The following MBTD1 variants were observed in gnomAD, a reference collection of about 807,000 sequenced individuals.
MBTD1 encodes mbt domain containing 1.
Under a neutral mutation model 87.8 loss-of-function variants are expected in MBTD1, and 24 were observed. The ratio of observed to expected loss-of-function variants is 0.27; its 90% CI spans 0.20 to 0.38. MBTD1 has a LOEUF of 0.38. Among genes scored for constraint, MBTD1 ranks in the 10% least tolerant of loss-of-function variants. The pLI, the probability that MBTD1 is intolerant of heterozygous loss-of-function variation, is 1.00. For synonymous variants in MBTD1, 237 were observed against 248.6 expected (o/e 0.95, Z 0.44); for missense variants, 436 against 760.2 (o/e 0.57, Z 5.02).
intron 6 of MBTD1, among the ~76,000 whole-genome samples, chr17:51,211,140 A>G (rs1462977709): frequency 2.1e-4 from 25 of 119,492 alleles, no homozygotes; most frequent in Non-Finnish European, 4.0e-4. Context: ...ACATCTCATA[A>G]AAAAAAAAGA....
chr17:51,245,430 A>C (rs1290624853), intron 2 of MBTD1, among the ~76,000 whole-genome samples: 3 of 152,270 alleles, frequency 2.0e-5, no homozygotes, highest in African/African-American at 7.2e-5. Context: ...TTGTACCTTG[A>C]TTATGAGTCA....
upstream of MBTD1, chr17:51,260,185 G>A (rs2055396730): frequency 2.6e-6 from 1 of 387,158 alleles, no homozygotes; most frequent in East Asian, 4.5e-5. Context: ...GTACCAAGAC[G>A]AAGGGTGGAA....
chr17:51,213,790 C>T (rs186127547), intron 6 of MBTD1, among the ~76,000 whole-genome samples: 40 of 152,244 alleles, frequency 2.6e-4, no homozygotes, highest in Admixed American at 2.6e-3. Flanking sequence ...ATGTCAGGAG[C>T]CAAGGCTCTG....
At chr17:51,259,656 G>A (rs966658492) in intron 1 of MBTD1, among the ~76,000 whole-genome samples, 179 bp downstream of exon 1, 2 of 146,978 alleles carry the variant, frequency 1.4e-5, no homozygotes, top group South Asian at 2.2e-4. Flanking sequence ...TGGGGGGAGG[G>A]GAACCCCTGA....
chr17:51,249,652 T>C (rs1313912354), intron 2 of MBTD1: 1 of 152,206 alleles, frequency 6.6e-6, no homozygotes, highest in Non-Finnish European at 1.5e-5. Flanking sequence ...TATTTTATCA[T>C]TAGGGTATGC....
rs1192018718 is a variant in MBTD1, at chr17:51,179,480, AATTTTATATATATATATATATAT to A, written c.*1073_*1095del. On this transcript the variant is annotated 3_prime_UTR_variant, in exon 17 of 17. Coordinates refer to ENST00000586178, the MANE Select transcript of MBTD1 (RefSeq NM_017643.3). The stretch of plus-strand genomic sequence containing the variant: ...ATAAATCCTGAATACAATTAAAGAC[AATTTTATATATATATATATATAT>A]ATATATATATATATATATATATATA... 2 of 83,838 alleles carry A rather than the reference AATTTTATATATATATATATATAT, an allele frequency of 2.4e-5. No individual in the cohort carries two copies. The highest frequency in any genetic ancestry group is 5.5e-5 in the African/African-American group (1 of 18,198). The allele number at this position is 83,838 out of a possible 1,614,324, so 5.2% of individuals were successfully genotyped here.
At chr17:51,191,895 TTAAA>T (rs1283687243) in intron 16 of MBTD1, 1 of 271,168 alleles carries the variant, frequency 3.7e-6, no homozygotes, top group African/African-American at 2.3e-5. Flanking sequence ...ATTTTTCTTT[TTAAA>T]TAAAGTTTTT....
chr17:51,202,938 T>C lies in MBTD1; in HGVS notation c.829-3A>G. ...GGATACTGCATACTCTCTGAAACCT[T>C]AAAAGCATACAAAAAAAACTGCTCG... On this transcript the variant is annotated splice_polypyrimidine_tract_variant and splice_region_variant and intron_variant, in intron 9 of 16. Coordinates refer to ENST00000586178, the MANE Select transcript of MBTD1 (RefSeq NM_017643.3). 6.2e-7 allele frequency: 1 copy of C among 1,604,994 alleles called. No individual in the cohort carries two copies. The highest frequency in any genetic ancestry group is 8.5e-7 in the Non-Finnish European group (1 of 1,172,270).
chr17:51,250,042 G>C (rs986237400), intron 2 of MBTD1: 1 of 151,478 alleles, frequency 6.6e-6, no homozygotes, highest in Non-Finnish European at 1.5e-5. Flanking sequence ...CTACAGGCAT[G>C]AGCCACCATG....
chr17:51,200,746 C>T (rs2051434015), intron 12 of MBTD1, among the ~76,000 whole-genome samples: 1 of 151,652 alleles, frequency 6.6e-6, no homozygotes, highest in South Asian at 2.1e-4. Context: ...CACCTGTAAT[C>T]CCAGCTACTC....
intron 12 of MBTD1, among the ~76,000 whole-genome samples, chr17:51,199,444 T>A (rs193300688): frequency 0.024 from 3,573 of 151,988 alleles, 57 homozygotes; most frequent in Non-Finnish European, 0.032. Flanking sequence ...ATCACTGTTT[T>A]AAAAAAATTT....
intron 16 of MBTD1, among the ~76,000 whole-genome samples, chr17:51,181,265 T>C (rs2144953662): frequency 6.6e-6 from 1 of 152,258 alleles, no homozygotes; most frequent in African/African-American, 2.4e-5. Flanking sequence ...GACCTTGTGA[T>C]CCGCCCACCT....
intron 6 of MBTD1, among the ~76,000 whole-genome samples, chr17:51,215,170 C>A (rs1002766245): frequency 6.6e-6 from 1 of 152,162 alleles, no homozygotes; most frequent in African/African-American, 2.4e-5. Flanking sequence ...GAAACAGATG[C>A]CTCACTTCTG....
rs907624254 is a variant in MBTD1, at chr17:51,201,672, C to T, written c.1144G>A (p.Glu382Lys). The T allele has an allele frequency of 6.2e-7, 1 of 1,609,268 alleles. No individual in the cohort carries two copies. The highest frequency in any genetic ancestry group is 1.3e-5 in the African/African-American group (1 of 74,792). ...AATTTCATTCCTTCCTTGAACCATTCCCCACTCTGGTCTACTTCTTTTACC... is the reference window on the plus strand; with the variant it reads ...AATTTCATTCCTTCCTTGAACCATTTCCCACTCTGGTCTACTTCTTTTACC... ...AKVKEVDQSGEWFKEGMKLEA... is the reference protein window; with the variant it reads ...AKVKEVDQSGKWFKEGMKLEA... The change falls in exon 12 of 17, where the codon GAA (glutamate) becomes AAA (lysine). Residue 382 changes from glutamate (E) to lysine (K), a missense_variant. This residue lies in a region of MBTD1 where 268 missense variants were observed against 401.8 expected (regional missense o/e 0.67). Transcript: ENST00000586178.
Position 51,230,456 on chromosome 17 carries a change from G to C in MBTD1, c.-48-5247C>G, listed in dbSNP as rs73988574. ...ACAGAAAAGCATGCAAAGCAGACAA[G>C]ATCCATGGTTTTCAGGAAGACTGTA... On this transcript the variant is annotated intron_variant, in intron 2 of 16. Coordinates refer to ENST00000586178, the MANE Select transcript of MBTD1 (RefSeq NM_017643.3). 4.4e-3 allele frequency among the ~76,000 whole-genome samples: 672 copies of C among 152,206 alleles called. 3 individuals carry two copies. The highest frequency in any genetic ancestry group is 0.016 in the African/African-American group (648 of 41,506).
Position 51,187,843 on chromosome 17 carries a change from T to G in MBTD1, c.1768+4360A>C, listed in dbSNP as rs539068310. Among the ~76,000 whole-genome samples the G allele has an allele frequency of 2.8e-5, 4 of 144,510 alleles. No individual in the cohort carries two copies. The South Asian group carries it at 8.7e-4, about 31-fold the overall frequency. 94.8% of individuals were successfully genotyped at this position (144,510 alleles called of 152,430 possible). A position where few individuals can be genotyped will look rare whatever the true frequency, so the allele number is the denominator to read the frequency against. On this transcript the variant is annotated intron_variant, in intron 16 of 16. Transcript: ENST00000586178. ...CAGCCTGGGAGACAGAGCAAGACTC[T>G]GTCTCAAAAAGAAAGAAAGAAAGAA...
intron 16 of MBTD1, chr17:51,185,683 T>C (rs1052085202): frequency 6.6e-5 from 10 of 152,202 alleles, no homozygotes; most frequent in Middle Eastern, 3.2e-3. Flanking sequence ...TTATCCCTAA[T>C]GACACACTTG....
intron 16 of MBTD1, among the ~76,000 whole-genome samples, chr17:51,188,136 A>G (rs1266137829): frequency 6.6e-6 from 1 of 152,230 alleles, no homozygotes; most frequent in Admixed American, 6.5e-5. Flanking sequence ...ATACTCACAG[A>G]TAAAAACGCA....
chr17:51,237,704 T>C (rs1300002364), intron 2 of MBTD1, among the ~76,000 whole-genome samples: 1 of 152,196 alleles, frequency 6.6e-6, no homozygotes, highest in Non-Finnish European at 1.5e-5. Flanking sequence ...TCATACATTG[T>C]GGATGAGAAT....
Sources: allele counts gnomAD v4.1 joint callset (sites outside exome capture counted in the v4.1 genomes callset), GRCh38; gene constraint gnomAD v4.1.1; regional missense constraint gnomAD v4.1.1; transcripts MANE v1.5; gene names NCBI Gene and HGNC (gene_info 2026-07-23, HGNC 2026-07-21).